Variants in MAMDC2 observed in about 807,000 individuals in gnomAD.
MAMDC2 encodes MAM domain-containing protein 2.
A neutral mutation model predicts 89.8 loss-of-function variants in MAMDC2; 57 were observed. The ratio of observed to expected loss-of-function variants is 0.63; its 90% CI spans 0.51 to 0.79. The LOEUF is 0.79. MAMDC2 is among the 30% of genes least tolerant of loss of function. MAMDC2 has a pLI of 0.00. For synonymous variants in MAMDC2, 313 were observed against 293.4 expected (o/e 1.07, Z -0.68); for missense variants, 800 against 820.6 (o/e 0.97, Z 0.31).
At chr9:70,185,554 C>G (rs1348371000) in intron 11 of MAMDC2, among the ~76,000 whole-genome samples, 1 of 152,192 alleles carries the variant, frequency 6.6e-6, no homozygotes, top group Non-Finnish European at 1.5e-5. Context: ...TATCTATAAG[C>G]TGCTGCCTTT....
At chr9:70,081,187 T>C (rs1402678070) in intron 2 of MAMDC2, among the ~76,000 whole-genome samples, 1 of 151,398 alleles carries the variant, frequency 6.6e-6, no homozygotes, top group Non-Finnish European at 1.5e-5. Flanking sequence ...AGGCCAGGAG[T>C]AAGATTTAAT....
chr9:70,194,473 G>A (rs2182732), intron 11 of MAMDC2: 10,497 of 152,152 alleles, frequency 0.069, 578 homozygotes, highest in East Asian at 0.22. Flanking sequence ...AAGACATAGC[G>A]TTCCTCCCCT....
chr9:70,105,006 A>G (rs1162419347), intron 2 of MAMDC2, among the ~76,000 whole-genome samples: 1 of 152,014 alleles, frequency 6.6e-6, no homozygotes, highest in Non-Finnish European at 1.5e-5. Flanking sequence ...ACATTTTTTT[A>G]CACCCAAAGA....
intron 2 of MAMDC2, among the ~76,000 whole-genome samples, chr9:70,095,534 A>G (rs1471929782): frequency 6.6e-6 from 1 of 152,180 alleles, no homozygotes; most frequent in Non-Finnish European, 1.5e-5. Context: ...TTGATTGATC[A>G]CTAGATAGCT....
intron 4 of MAMDC2, 122 bp downstream of exon 4, chr9:70,109,926 T>A: frequency 1.3e-6 from 1 of 764,906 alleles, no homozygotes; most frequent in Non-Finnish European, 2.2e-6. Flanking sequence ...GCATAATGCA[T>A]ACTGGTTTAA....
At chr9:70,185,183 C>A (rs1337467412) in intron 11 of MAMDC2, among the ~76,000 whole-genome samples, 3 of 152,204 alleles carry the variant, frequency 2.0e-5, no homozygotes, top group Non-Finnish European at 4.4e-5. Flanking sequence ...CATTCCAGAC[C>A]CTGTTTGCCT....
At chr9:70,193,610 T>C (rs1377077316) in intron 11 of MAMDC2, among the ~76,000 whole-genome samples, 4 of 22,100 alleles carry the variant, frequency 1.8e-4, no homozygotes, top group African/African-American at 4.1e-4. Flanking sequence ...CCTTTTCATA[T>C]ATAAGGCAAT....
chr9:70,178,270 A>G (rs760267466), intron 11 of MAMDC2, among the ~76,000 whole-genome samples: 10 of 152,200 alleles, frequency 6.6e-5, no homozygotes, highest in Non-Finnish European at 1.3e-4. Context: ...CAAGGTTCTG[A>G]TATCTAGTGA....
rs2031302327 is a variant in MAMDC2, at chr9:70,143,692, A to C, written c.1277A>C (p.Asp426Ala). The change falls in exon 9 of 14, where the codon GAC becomes GCC. Residue 426 changes from aspartate to alanine, a missense_variant. Physicochemically the swap from Asp to Ala is moderately radical, Grantham distance 126. Coordinates refer to ENST00000377182, the MANE Select transcript of MAMDC2 (RefSeq NM_153267.5). Reference sequence around the variant, plus strand: ...ATCTATGGATTTTTAAAAATGAGTGACACCCTAGCAGTTTACATCTTTGAA... The same window carrying C: ...ATCTATGGATTTTTAAAAATGAGTGCCACCCTAGCAGTTTACATCTTTGAA... ...YAIYGFLKMSDTLAVYIFEEN... is the reference protein window; with the variant it reads ...YAIYGFLKMSATLAVYIFEEN... 1.2e-6 allele frequency: 2 copies of C among 1,614,068 alleles called. No homozygotes were observed. Among genetic ancestry groups the C allele is most frequent in the Non-Finnish European group, 8.5e-7 (1 of 1,180,030 alleles).
chr9:70,159,672 T>C (rs1563980211), intron 9 of MAMDC2, among the ~76,000 whole-genome samples: 1 of 152,246 alleles, frequency 6.6e-6, no homozygotes, highest in Non-Finnish European at 1.5e-5. Flanking sequence ...TATAAATCTA[T>C]CTTCTGGCAG....
chr9:70,145,515 T>G (rs920758290), intron 9 of MAMDC2, among the ~76,000 whole-genome samples: 1 of 152,102 alleles, frequency 6.6e-6, no homozygotes, highest in Non-Finnish European at 1.5e-5. Flanking sequence ...GAGTTCCCAT[T>G]ACCAATTATT....
chr9:70,045,810 G>A (rs760033094), intron 2 of MAMDC2, among the ~76,000 whole-genome samples: 6 of 152,178 alleles, frequency 3.9e-5, no homozygotes, highest in Non-Finnish European at 7.3e-5. Flanking sequence ...ATATCACAGT[G>A]TCACTGAGTG....
chr9:70,206,634 TTTA>T lies in MAMDC2; in HGVS notation c.1652-11692_1652-11690del, dbSNP rs569667492. Among the ~76,000 whole-genome samples the T allele has an allele frequency of 1.8e-3, 270 of 152,150 alleles. 1 individual carries two copies. Among genetic ancestry groups the T allele is most frequent in the African/African-American group, 6.1e-3 (254 of 41,454 alleles). On this transcript the variant is annotated intron_variant, in intron 11 of 13. Coordinates refer to ENST00000377182, the MANE Select transcript of MAMDC2 (RefSeq NM_153267.5). The stretch of plus-strand genomic sequence containing the variant: ...ATATTTTTTTTGGTATATATCTTTT[TTTA>T]TTATTATTATACTTTAAGTTCTAGG...
chr9:70,115,180 CAG>C (rs1466153984), intron 5 of MAMDC2, among the ~76,000 whole-genome samples: 2 of 151,970 alleles, frequency 1.3e-5, no homozygotes, highest in East Asian at 1.9e-4. Flanking sequence ...ATTAACATGA[CAG>C]AGATTATTTC....
At chr9:70,214,834 C>T (rs935726798) in intron 11 of MAMDC2, among the ~76,000 whole-genome samples, 16 of 152,044 alleles carry the variant, frequency 1.1e-4, no homozygotes, top group African/African-American at 3.4e-4. Context: ...TAGTGGTGTG[C>T]GACTCACAGG....
chr9:70,225,865 A>C (rs776848293), intron 13 of MAMDC2, 31 bp downstream of exon 13: 5 of 1,549,104 alleles, frequency 3.2e-6, no homozygotes, highest in Non-Finnish European at 4.4e-6. Context: ...TATAAGCTTG[A>C]CTGAAAATGG....
intron 9 of MAMDC2, 94 bp from the exon 10 acceptor site, chr9:70,168,608 T>C (rs543880128): frequency 5.1e-5 from 46 of 898,374 alleles, no homozygotes; most frequent in Non-Finnish European, 7.9e-5. Flanking sequence ...GTAGTTTGCC[T>C]ATGCTCGCCT....
chr9:70,175,265 T>C (rs1242646430), intron 11 of MAMDC2, among the ~76,000 whole-genome samples: 1 of 152,184 alleles, frequency 6.6e-6, no homozygotes, highest in Non-Finnish European at 1.5e-5. Context: ...TGATGGCACA[T>C]TTGACCAGCA....
In MAMDC2 at chr9:70,226,913, G is replaced by A. The variant is rs1243100098; in HGVS notation, c.*881G>A. Reference sequence around the variant, plus strand: ...TAGAAAATTGTATATATATGTTTGTGTATCCTAACAGCTGCTATGAAATTA... The same window carrying A: ...TAGAAAATTGTATATATATGTTTGTATATCCTAACAGCTGCTATGAAATTA... On this transcript the variant is annotated 3_prime_UTR_variant, in exon 14 of 14. Transcript: ENST00000377182. The A allele has an allele frequency of 6.6e-6, 1 of 151,922 alleles. No individual in the cohort carries two copies. The highest frequency in any genetic ancestry group is 1.5e-5 in the Non-Finnish European group (1 of 67,906). The allele number at this position is 151,922 out of a possible 1,614,324, so 9.4% of individuals were successfully genotyped here. A position where few individuals can be genotyped will look rare whatever the true frequency, so the allele number is the denominator to read the frequency against.
Sources: allele counts gnomAD v4.1 joint callset (sites outside exome capture counted in the v4.1 genomes callset), GRCh38; gene constraint gnomAD v4.1.1; transcripts MANE v1.5; gene names NCBI Gene and HGNC (gene_info 2026-07-23, HGNC 2026-07-21).